PDZD2: variants seen among roughly 807,000 people sequenced by gnomAD.
The protein encoded by PDZD2 is PDZ domain-containing protein 2.
Under a neutral mutation model 220.7 loss-of-function variants are expected in PDZD2, and 90 were observed. The observed-to-expected ratio is 0.41, with a 90% CI of 0.34 to 0.49. PDZD2 has a LOEUF of 0.49. Ranked by LOEUF, PDZD2 falls within the 20% of genes least tolerant of loss-of-function variation. The pLI, the probability that PDZD2 is intolerant of heterozygous loss-of-function variation, is 0.28. For synonymous variants in PDZD2, 1,375 were observed against 1,450.5 expected, an observed-to-expected ratio of 0.95 and a Z score of 1.18; for missense variants, 3,174 against 3,608.5, an observed-to-expected ratio of 0.88 and a Z score of 3.08.
intron 1 of PDZD2, among the ~76,000 whole-genome samples, chr5:31,736,942 G>A (rs1330380665): frequency 1.6e-5 from 2 of 123,248 alleles, no homozygotes; most frequent in Non-Finnish European, 3.6e-5. Flanking sequence ...GGACGTGCTT[G>A]CTCCCACTTC....
chr5:31,679,051 A>G (rs961531748), intron 1 of PDZD2, among the ~76,000 whole-genome samples: 1 of 152,064 alleles, frequency 6.6e-6, no homozygotes, highest in African/African-American at 2.4e-5. Flanking sequence ...CTGCCGGACT[A>G]TTTGGGGAAG....
At chr5:32,049,157 T>TAGAGGGGGGCTGC (rs1738267324) in intron 8 of PDZD2, among the ~76,000 whole-genome samples, 1 of 151,852 alleles carries the variant, frequency 6.6e-6, no homozygotes, top group Non-Finnish European at 1.5e-5. Context: ...TGGGGGGCTG[T>TAGAGGGGGGCTGC]AGAGGGGGGC....
intron 2 of PDZD2, chr5:31,908,813 G>A (rs758190315): frequency 1.6e-5 from 10 of 631,888 alleles, no homozygotes; most frequent in Non-Finnish European, 2.8e-5. Flanking sequence ...GGGAGGCTGA[G>A]GCGGGAGGAT....
At chr5:32,013,995 A>G (rs1358972715) in intron 6 of PDZD2, among the ~76,000 whole-genome samples, 2 of 152,230 alleles carry the variant, frequency 1.3e-5, no homozygotes, top group African/African-American at 4.8e-5. Context: ...CAGGCTTCAC[A>G]GTCTACCAGG....
chr5:32,062,515 T>A (rs1216023557), intron 14 of PDZD2, among the ~76,000 whole-genome samples: 1 of 151,322 alleles, frequency 6.6e-6, no homozygotes, highest in African/African-American at 2.4e-5. Flanking sequence ...CACCTCAGCC[T>A]CCAGAGTAGC....
intron 1 of PDZD2, among the ~76,000 whole-genome samples, chr5:31,745,102 T>C (rs916238058): frequency 1.3e-5 from 2 of 152,014 alleles, no homozygotes; most frequent in Non-Finnish European, 2.9e-5. Flanking sequence ...ATAAATAAAA[T>C]AAAAAATAAA....
chr5:31,881,408 A>C (rs1476792022), intron 2 of PDZD2, among the ~76,000 whole-genome samples: 1 of 106,874 alleles, frequency 9.4e-6, no homozygotes, highest in African/African-American at 3.7e-5. Flanking sequence ...TTTTGCTCTT[A>C]TTGCCCAGGC....
chr5:31,953,122 CTG>C (rs1488543797), intron 2 of PDZD2, among the ~76,000 whole-genome samples: 1 of 149,034 alleles, frequency 6.7e-6, no homozygotes, highest in Non-Finnish European at 1.5e-5. Flanking sequence ...AGACAGCAAA[CTG>C]TACTTTAAAG....
At chr5:31,854,575 T>A (rs1758259923) in intron 2 of PDZD2, among the ~76,000 whole-genome samples, 1 of 151,996 alleles carries the variant, frequency 6.6e-6, no homozygotes. Context: ...GGTCATGAAG[T>A]GAATTGATGT....
Position 32,089,322 on chromosome 5 carries a change from G to A in PDZD2, c.5874G>A (p.Leu1958=), listed in dbSNP as rs918780436. ...CCCCCAGGTCCCCCCAGTGTGTGCTGGAAAGCAAGCCACCTCTTGCCACCT... is the reference window on the plus strand; with the variant it reads ...CCCCCAGGTCCCCCCAGTGTGTGCTAGAAAGCAAGCCACCTCTTGCCACCT... ...TAAPRSPQCV[L]ESKPPLATSG... The change falls in exon 20 of 25, where the codon CTG becomes CTA. Residue 1958 remains leucine (L), a synonymous_variant. Transcript: ENST00000438447. The A allele has an allele frequency of 3.1e-6, 5 of 1,613,968 alleles. No homozygotes were observed. Among genetic ancestry groups the A allele is most frequent in the African/African-American group, 2.7e-5 (2 of 74,902 alleles).
At chr5:31,815,245 C>CAAAA (rs59040987) in intron 2 of PDZD2, among the ~76,000 whole-genome samples, 332 of 57,596 alleles carry the variant, frequency 5.8e-3, no homozygotes, top group Non-Finnish European at 7.1e-3. Context: ...AACTCTGTCT[C>CAAAA]AAAAAAAAAA....
At chr5:32,054,447 G>A (rs1412067701) in intron 10 of PDZD2, among the ~76,000 whole-genome samples, 2 of 147,848 alleles carry the variant, frequency 1.4e-5, no homozygotes, top group East Asian at 2.0e-4. Flanking sequence ...CCTCAGCTTC[G>A]TGAGTAGCTG....
At chr5:32,071,564 C>T (rs891847135) in intron 16 of PDZD2, 146 bp downstream of exon 16, 3 of 695,832 alleles carry the variant, frequency 4.3e-6, no homozygotes, top group East Asian at 2.5e-5. Flanking sequence ...CAACAATGCT[C>T]ATTTGAGAAT....
In PDZD2 at chr5:32,056,983, A is replaced by C. The variant is rs141841494; in HGVS notation, c.1901-672A>C. Among the ~76,000 whole-genome samples, 30 of 152,232 alleles carry C rather than the reference A, an allele frequency of 2.0e-4. No homozygotes were observed. The East Asian group carries it at 5.8e-3, about 29-fold the overall frequency. On this transcript the variant is annotated intron_variant, in intron 10 of 24. Coordinates refer to ENST00000438447, the MANE Select transcript of PDZD2 (RefSeq NM_178140.4). Reference sequence around the variant, plus strand: ...GTGGCGTGCACCTGTATTCCCAGCTATTCAGGAGGCTGAGGCATGAGAATA... The same window carrying C: ...GTGGCGTGCACCTGTATTCCCAGCTCTTCAGGAGGCTGAGGCATGAGAATA...
At chr5:32,080,144 C>T (rs1180743971) in intron 19 of PDZD2, among the ~76,000 whole-genome samples, 9 of 152,024 alleles carry the variant, frequency 5.9e-5, no homozygotes, top group Admixed American at 4.6e-4. Flanking sequence ...GTCAGGAGAT[C>T]GAGACCATCC....
In PDZD2 at chr5:32,089,372, C is replaced by T; in HGVS notation, c.5924C>T (p.Ser1975Phe). ...TCTGGGCCACTGAAACCCTCAGTGT[C>T]TGACACGAGCATCAGGACATTTGTC... ...ATSGPLKPSV[S>F]DTSIRTFVSP... Residue 1975 changes from serine to phenylalanine, a missense_variant, in exon 20 of 25, where the codon TCT (serine) becomes TTT (phenylalanine). Transcript: ENST00000438447. The T allele has an allele frequency of 1.2e-6, 2 of 1,614,150 alleles. No homozygotes were observed. The highest frequency in any genetic ancestry group is 1.7e-6 in the Non-Finnish European group (2 of 1,180,036).
At chr5:31,851,869 T>C (rs115229085) in intron 2 of PDZD2, among the ~76,000 whole-genome samples, 1,662 of 152,072 alleles carry the variant, frequency 0.011, 17 homozygotes, top group African/African-American at 0.023. Context: ...TTTTTTTTTT[T>C]CCCCTGAGAT....
At chr5:32,002,966 CA>C (rs1752374458) in intron 5 of PDZD2, among the ~76,000 whole-genome samples, 1 of 119,436 alleles carries the variant, frequency 8.4e-6, no homozygotes, top group African/African-American at 3.2e-5. Context: ...ACACACACAC[CA>C]ACACACACAC....
chr5:31,951,182 C>T (rs542895934), intron 2 of PDZD2, among the ~76,000 whole-genome samples: 3 of 152,252 alleles, frequency 2.0e-5, no homozygotes, highest in African/African-American at 7.2e-5. Flanking sequence ...TCCTCCCACC[C>T]ACAGCCTCCC....
Sources: gnomAD v4.1 joint callset for allele counts (sites outside exome capture counted in the v4.1 genomes callset) on GRCh38, gnomAD v4.1.1 for gene constraint, MANE v1.5 for transcripts, NCBI Gene and HGNC (gene_info 2026-07-23, HGNC 2026-07-21) for gene names.